The following GPC6 variants were observed in gnomAD, a reference collection of about 807,000 sequenced individuals.
The protein encoded by GPC6 is glypican 6.
In GPC6, 14 loss-of-function variants were observed where a neutral mutation model predicts 55.2. That is an observed-to-expected ratio of 0.25 (90% CI 0.17 to 0.40). The LOEUF (loss-of-function observed/expected upper bound fraction) is 0.40. GPC6 is among the 10% of genes least tolerant of loss of function. GPC6 has a pLI of 1.00. For synonymous variants in GPC6, 278 were observed against 259.6 expected, an observed-to-expected ratio of 1.07 and a Z score of -0.68; for missense variants, 641 against 708.5, an observed-to-expected ratio of 0.90 and a Z score of 1.08.
At chr13:94,163,404 C>T (rs1888237531) in intron 4 of GPC6, among the ~76,000 whole-genome samples, 2 of 151,424 alleles carry the variant, frequency 1.3e-5, no homozygotes, top group Non-Finnish European at 2.9e-5. Context: ...TCATTTTTCC[C>T]CTAAATTCTC....
At chr13:94,016,370 G>C (rs1882465429) in intron 3 of GPC6, among the ~76,000 whole-genome samples, 1 of 152,160 alleles carries the variant, frequency 6.6e-6, no homozygotes, top group South Asian at 2.1e-4. Flanking sequence ...GATCTGACAG[G>C]AGACGGAGCT....
intron 1 of GPC6, among the ~76,000 whole-genome samples, chr13:93,277,857 A>C (rs936395257): frequency 6.6e-6 from 1 of 152,080 alleles, no homozygotes; most frequent in Non-Finnish European, 1.5e-5. Flanking sequence ...CTTTTATTGA[A>C]ATTAAGGGTT....
chr13:93,970,700 A>G (rs557322227), intron 3 of GPC6, among the ~76,000 whole-genome samples: 26 of 152,310 alleles, frequency 1.7e-4, no homozygotes, highest in Admixed American at 1.0e-3. Context: ...CCTTAAATGT[A>G]GCTTTCTGCC....
intron 3 of GPC6, among the ~76,000 whole-genome samples, chr13:93,961,098 G>A (rs1879755165): frequency 6.6e-6 from 1 of 152,190 alleles, no homozygotes; most frequent in Non-Finnish European, 1.5e-5. Flanking sequence ...ACAGGCGTGA[G>A]CCACCGCACT....
intron 4 of GPC6, among the ~76,000 whole-genome samples, chr13:94,163,721 A>T (rs1202447712): frequency 6.6e-6 from 1 of 152,214 alleles, no homozygotes; most frequent in Non-Finnish European, 1.5e-5. Context: ...GGTTCAAGAG[A>T]GCCCTTGGAG....
intron 4 of GPC6, among the ~76,000 whole-genome samples, chr13:94,243,320 A>T (rs1433930566): frequency 6.6e-6 from 1 of 152,114 alleles, no homozygotes; most frequent in Non-Finnish European, 1.5e-5. Context: ...CTCAGGGAAA[A>T]CTAAGGACTG....
intron 6 of GPC6, among the ~76,000 whole-genome samples, chr13:94,371,035 A>G (rs1008710642): frequency 2.6e-5 from 4 of 152,202 alleles, no homozygotes; most frequent in African/African-American, 9.7e-5. Flanking sequence ...CCATTGAATG[A>G]GTTAGTTAAA....
At chr13:93,492,872 C>A (rs991539101) in intron 1 of GPC6, among the ~76,000 whole-genome samples, 1 of 146,974 alleles carries the variant, frequency 6.8e-6, no homozygotes, top group Non-Finnish European at 1.5e-5. Context: ...GGGATGAAGC[C>A]CACTTGATCA....
chr13:93,614,912 A>G (rs1442502630), intron 2 of GPC6, among the ~76,000 whole-genome samples: 2 of 151,716 alleles, frequency 1.3e-5, no homozygotes, highest in Non-Finnish European at 2.9e-5. Context: ...TCCTCTGAGT[A>G]TACTTGGGTT....
At chr13:93,961,812 T>A (rs1879790201) in intron 3 of GPC6, among the ~76,000 whole-genome samples, 1 of 152,106 alleles carries the variant, frequency 6.6e-6, no homozygotes, top group Admixed American at 6.5e-5. Context: ...CCCCTCCTTT[T>A]TTTTTAACAA....
At chr13:93,712,973 T>C (rs1883124287) in intron 2 of GPC6, among the ~76,000 whole-genome samples, 1 of 151,500 alleles carries the variant, frequency 6.6e-6, no homozygotes, top group Admixed American at 6.6e-5. Flanking sequence ...GTATTTTCAA[T>C]CAAAATATAA....
At chr13:94,293,239 AC>A (rs1294585905) in intron 5 of GPC6, among the ~76,000 whole-genome samples, 2 of 152,212 alleles carry the variant, frequency 1.3e-5, no homozygotes, top group African/African-American at 4.8e-5. Flanking sequence ...CTGTGTCCCC[AC>A]CCAAATGTCA....
chr13:93,856,570 C>A (rs1469358040), intron 3 of GPC6, among the ~76,000 whole-genome samples: 1 of 151,572 alleles, frequency 6.6e-6, no homozygotes, highest in Admixed American at 6.6e-5. Flanking sequence ...GAAACTATGT[C>A]TCAATGATGC....
chr13:93,585,497 C>T (rs1471906834), intron 2 of GPC6, among the ~76,000 whole-genome samples: 1 of 152,154 alleles, frequency 6.6e-6, no homozygotes, highest in African/African-American at 2.4e-5. Flanking sequence ...TCACTAAGTG[C>T]TGAGATGTTT....
chr13:93,308,067 G>A (rs180948045), intron 1 of GPC6, among the ~76,000 whole-genome samples: 2 of 152,200 alleles, frequency 1.3e-5, no homozygotes, highest in East Asian at 1.9e-4. Context: ...GGCGGATCAC[G>A]AAGTCAGGAG....
chr13:94,132,359 C>A (rs927396451), intron 4 of GPC6, among the ~76,000 whole-genome samples: 11 of 152,110 alleles, frequency 7.2e-5, no homozygotes, highest in Non-Finnish European at 1.3e-4. Context: ...AATGCACATG[C>A]CTTCCTCAGA....
chr13:94,256,012 C>T (rs1184723642), intron 4 of GPC6, among the ~76,000 whole-genome samples: 1 of 151,940 alleles, frequency 6.6e-6, no homozygotes, highest in African/African-American at 2.4e-5. Flanking sequence ...TTGCAACTGA[C>T]TGATATATGC....
intron 2 of GPC6, among the ~76,000 whole-genome samples, chr13:93,560,138 C>T (rs368206297): frequency 9.2e-5 from 14 of 152,018 alleles, no homozygotes; most frequent in East Asian, 3.9e-4. Context: ...CTTTTCTCTT[C>T]CTTTCCTCAT....
intron 1 of GPC6, among the ~76,000 whole-genome samples, chr13:93,490,054 A>C (rs1196779922): frequency 6.6e-6 from 1 of 151,354 alleles, no homozygotes; most frequent in Non-Finnish European, 1.5e-5. Flanking sequence ...CCAGTTTTCA[A>C]AGGGAATGCT....
Sources: gnomAD v4.1 joint callset for allele counts (sites outside exome capture counted in the v4.1 genomes callset) on GRCh38, gnomAD v4.1.1 for gene constraint, MANE v1.5 for transcripts, NCBI Gene and HGNC (gene_info 2026-07-23, HGNC 2026-07-21) for gene names.